SEH1L: variants seen among roughly 807,000 people sequenced by gnomAD.
The protein encoded by SEH1L is nucleoporin SEH1.
A neutral mutation model predicts 49.5 loss-of-function variants in SEH1L; 18 were observed. The observed-to-expected ratio is 0.36, with a 90% CI of 0.25 to 0.54. The LOEUF (loss-of-function observed/expected upper bound fraction) is 0.54, where lower values mean the gene tolerates loss of function less well. Ranked by LOEUF, SEH1L falls within the 20% of genes least tolerant of loss-of-function variation. The probability of loss-of-function intolerance (pLI) is 0.87; values close to 1 mark genes in which losing one functional copy is unlikely to be tolerated. For synonymous variants in SEH1L, 169 were observed against 178.1 expected (o/e 0.95, Z 0.41); for missense variants, 404 against 528.8 (o/e 0.76, Z 2.31).
Position 12,955,497 on chromosome 18 carries a change from C to T in SEH1L, c.197C>T (p.Ala66Val), listed in dbSNP as rs878928380. 6.2e-7 allele frequency: 1 copy of T among 1,613,688 alleles called. No homozygotes were observed. Among genetic ancestry groups the T allele is most frequent in the South Asian group, 1.1e-5 (1 of 91,080 alleles). ...GGATCTGTATGGCGTGTGACATGGG[C>T]CCATCCTGAATTTGGGCAGGTTTTG... ...HSGSVWRVTW[A>V]HPEFGQVLAS... is the part of the protein sequence containing the mutation. Residue 66 changes from alanine to valine, a missense_variant, in exon 3 of 9, where the codon GCC (alanine) becomes GTC (valine). This residue lies in a region of SEH1L where 5 missense variants were observed against 26.1 expected (regional missense o/e 0.19). Transcript: ENST00000399892.
In SEH1L at chr18:12,971,204, C is replaced by T; in HGVS notation, c.573C>T (p.Pro191=). The T allele has an allele frequency of 5.6e-6, 9 of 1,613,986 alleles. No individual in the cohort carries two copies. Among genetic ancestry groups the T allele is most frequent in the Non-Finnish European group, 7.6e-6 (9 of 1,179,876 alleles). Residue 191 remains proline (P), a synonymous_variant, in exon 5 of 9, where the codon CCC becomes CCT. Transcript: ENST00000399892. ...CCGTAGGAAGTGATGACAGTAGCCC[C>T]AACGCAATGGCCAAGGTTCAGATTT... ...MIAVGSDDSS[P]NAMAKVQIFE...
rs562540802 is a variant in SEH1L at position 12,948,531 on chromosome 18, A to G, written c.111+299A>G. The G allele has an allele frequency of 1.9e-3, 486 of 251,198 alleles. 4 individuals are homozygous for G. The highest frequency in any genetic ancestry group is 0.01 in the African/African-American group (449 of 44,506). The allele number at this position is 251,198 out of a possible 1,614,324, so 15.6% of individuals were successfully genotyped here. On this transcript the variant is annotated intron_variant, in intron 1 of 8. Coordinates refer to ENST00000399892, the MANE Select transcript of SEH1L (RefSeq NM_001013437.2). ...CTGCCGGGGCTGCGGGCGGGAACCC[A>G]GGGGCATCCCACCGTCAGCCTCGGC...
chr18:12,962,541 C>A (rs2031237537), intron 3 of SEH1L, among the ~76,000 whole-genome samples: 1 of 122,176 alleles, frequency 8.2e-6, no homozygotes, highest in South Asian at 2.9e-4. Context: ...GATCTTTGCT[C>A]ACTGTACCTT....
chr18:12,981,850 A>ATTTTTTTTTTTTTTTTTTTTTT (rs554886753), intron 6 of SEH1L, among the ~76,000 whole-genome samples: 3 of 88,184 alleles, frequency 3.4e-5, no homozygotes, highest in African/African-American at 1.1e-4. Context: ...TGCCCTGCCC[A>ATTTTTTTTTTTTTTTTTTTTTT]TTTTTTTTTT....
intron 2 of SEH1L, among the ~76,000 whole-genome samples, chr18:12,952,208 A>T (rs543458279): frequency 1.3e-5 from 2 of 151,598 alleles, no homozygotes; most frequent in East Asian, 3.9e-4. Context: ...AAAAAAACAA[A>T]ACCTTTACTC....
rs761264688 is a variant in SEH1L at position 12,986,963 on chromosome 18, G to A, written c.1172G>A (p.Cys391Tyr). The A allele has an allele frequency of 1.2e-6, 2 of 1,613,816 alleles. No homozygotes were observed. The highest frequency in any genetic ancestry group is 2.2e-5 in the South Asian group (2 of 91,064). The change falls in exon 9 of 9, where the codon TGC becomes TAC. Residue 391 changes from cysteine (C) to tyrosine (Y), a missense_variant. Transcript: ENST00000399892. ...PPPPPLVEHS[C>Y]DADTANLQYP... Reference sequence around the variant, plus strand: ...CCTCCTCCTCTGGTAGAGCACTCTTGCGATGCTGACACTGCCAACCTCCAG... The same window carrying A: ...CCTCCTCCTCTGGTAGAGCACTCTTACGATGCTGACACTGCCAACCTCCAG...
intron 6 of SEH1L, 75 bp from the exon 7 acceptor site, chr18:12,982,443 A>G (rs2032306996): frequency 9.6e-7 from 1 of 1,041,094 alleles, no homozygotes; most frequent in African/African-American, 1.6e-5. Context: ...ACGTGTGTAT[A>G]TATATATGTG....
intron 7 of SEH1L, chr18:12,983,033 C>G (rs1201541391): frequency 6.4e-6 from 1 of 155,808 alleles, no homozygotes; most frequent in Non-Finnish European, 1.4e-5. Context: ...TTTAGACAAT[C>G]CATCCTTAAT....
chr18:12,978,701 T>G, intron 5 of SEH1L, 51 bp from the exon 6 acceptor site: 2 of 1,519,670 alleles, frequency 1.3e-6, no homozygotes, highest in Non-Finnish European at 1.8e-6. Flanking sequence ...GATGTGTGGA[T>G]TTTTGCACAT....
In SEH1L at chr18:12,948,264, C is replaced by T. The variant is rs975664598; in HGVS notation, c.111+32C>T. On this transcript the variant is annotated intron_variant, in intron 1 of 8. Transcript: ENST00000399892. ...GCGGCGCTTGCGGGCGGGGCCGACC[C>T]CGGAAGGAAGGAAGGGGAGTGGGTG... 4 of 1,543,108 alleles carry T rather than the reference C, an allele frequency of 2.6e-6. No individual in the cohort carries two copies. The South Asian group carries it at 3.4e-5, about 13-fold the overall frequency.
chr18:12,982,756 T>G lies in SEH1L; in HGVS notation c.919+81T>G. The stretch of plus-strand genomic sequence containing the variant: ...ACTTAAAATGTAAACTCTGAAATAT[T>G]TTTTGAAAATGGTCTTTTACAGTTA... On this transcript the variant is annotated intron_variant, in intron 7 of 8. Coordinates refer to ENST00000399892, the MANE Select transcript of SEH1L (RefSeq NM_001013437.2). The G allele has an allele frequency of 2.6e-6, 3 of 1,153,224 alleles. No homozygotes were observed. The South Asian group carries it at 5.3e-5, about 20-fold the overall frequency. 71.4% of individuals were successfully genotyped at this position (1,153,224 alleles called of 1,614,324 possible). A position where few individuals can be genotyped will look rare whatever the true frequency, so the allele number is the denominator to read the frequency against.
At chr18:12,970,459 T>C (rs964653265) in intron 4 of SEH1L, among the ~76,000 whole-genome samples, 2 of 152,218 alleles carry the variant, frequency 1.3e-5, no homozygotes, top group African/African-American at 4.8e-5. Flanking sequence ...CTCACTCTGT[T>C]GCCCAGGCTA....
intron 6 of SEH1L, among the ~76,000 whole-genome samples, chr18:12,979,638 G>A (rs1180140949): frequency 1.3e-5 from 2 of 151,550 alleles, no homozygotes; most frequent in African/African-American, 4.9e-5. Flanking sequence ...CTTCCCAGTA[G>A]GGGCGGCCGG....
intron 4 of SEH1L, among the ~76,000 whole-genome samples, chr18:12,965,502 T>C (rs1330200266): frequency 6.6e-6 from 1 of 152,238 alleles, no homozygotes; most frequent in East Asian, 1.9e-4. Context: ...ATGGAATGGA[T>C]GGCAAACTCT....
intron 4 of SEH1L, among the ~76,000 whole-genome samples, chr18:12,970,518 G>C (rs986178956): frequency 6.6e-6 from 1 of 152,124 alleles, no homozygotes; most frequent in Non-Finnish European, 1.5e-5. Flanking sequence ...ACTCCTGGGC[G>C]CAAGTGATCC....
At chr18:12,978,061 C>G (rs939541720) in intron 5 of SEH1L, 2 of 152,384 alleles carry the variant, frequency 1.3e-5, no homozygotes, top group Non-Finnish European at 2.9e-5. Context: ...CTACTGGGTT[C>G]AAGCAATTCT....
chr18:12,967,834 A>T (rs941023769), intron 4 of SEH1L, among the ~76,000 whole-genome samples: 1 of 152,128 alleles, frequency 6.6e-6, no homozygotes, highest in Non-Finnish European at 1.5e-5. Context: ...GAATCGCTTG[A>T]ACTTCGGAGA....
chr18:12,977,293 A>C (rs1467763143), intron 5 of SEH1L: 1 of 152,220 alleles, frequency 6.6e-6, no homozygotes, highest in Non-Finnish European at 1.5e-5. Context: ...TCTGTCCAGG[A>C]TATTCAATCT....
At chr18:12,971,345 C>CATCATAT in intron 5 of SEH1L, 94 bp downstream of exon 5, 1 of 838,732 alleles carries the variant, frequency 1.2e-6, no homozygotes, top group Non-Finnish European at 1.9e-6. Flanking sequence ...ATGTGTCATT[C>CATCATAT]ATCATATGTT....
Sources: allele counts gnomAD v4.1 joint callset (sites outside exome capture counted in the v4.1 genomes callset), GRCh38; gene constraint gnomAD v4.1.1; regional missense constraint gnomAD v4.1.1; transcripts MANE v1.5; gene names NCBI Gene and HGNC (gene_info 2026-07-23, HGNC 2026-07-21).